C13orf42: variants seen among roughly 807,000 people sequenced by gnomAD.
The protein encoded by C13orf42 is chromosome 13 open reading frame 42.
At chr13:51,099,312 G>A (rs1953263716) in intron 1 of C13orf42, among the ~76,000 whole-genome samples, 1 of 152,040 alleles carries the variant, frequency 6.6e-6, no homozygotes, top group Admixed American at 6.6e-5. Context: ...TTAGAAAAAA[G>A]TATCATCACT....
intron 1 of C13orf42, among the ~76,000 whole-genome samples, chr13:51,160,956 G>A (rs1475062628): frequency 3.3e-3 from 331 of 101,242 alleles, no homozygotes; most frequent in African/African-American, 9.8e-3. Context: ...ACAAAGATTG[G>A]AAACAAGAAA....
At chr13:51,120,885 G>A (rs886337079) in intron 1 of C13orf42, among the ~76,000 whole-genome samples, 2 of 152,100 alleles carry the variant, frequency 1.3e-5, no homozygotes, top group Non-Finnish European at 2.9e-5. Flanking sequence ...ATGGTGACAC[G>A]TGCCTGTAAT....
chr13:51,142,639 A>T (rs1754994987), intron 1 of C13orf42, among the ~76,000 whole-genome samples: 1 of 111,696 alleles, frequency 9.0e-6, no homozygotes, highest in Non-Finnish European at 1.9e-5. Context: ...GTCCTTTTTT[A>T]TAAAAAAAAA....
rs117725441 is a variant in C13orf42, at chr13:51,120,049, C to T, written n.137-6827G>A. ...AAGTTTAGGAAAGTATTGAAGTCCG[C>T]GCTGATTTATAGGCACTCAATAAAT... On this transcript the variant is annotated intron_variant and non_coding_transcript_variant, in intron 1 of 4. Transcript: ENST00000433280. 7.5e-3 allele frequency among the ~76,000 whole-genome samples: 1,136 copies of T among 152,124 alleles called. 9 individuals are homozygous for T. Among genetic ancestry groups the T allele is most frequent in the Non-Finnish European group, 9.6e-3 (652 of 68,000 alleles).
intron 1 of C13orf42, among the ~76,000 whole-genome samples, chr13:51,088,535 G>C (rs529169831): frequency 1.3e-5 from 2 of 152,282 alleles, no homozygotes; most frequent in African/African-American, 4.8e-5. Context: ...TTTTTAAATA[G>C]CTGAAAGAGT....
At chr13:51,111,399 T>C (rs1297621910), upstream of C13orf42, among the ~76,000 whole-genome samples, 1 of 152,120 alleles carries the variant, frequency 6.6e-6, no homozygotes, top group Non-Finnish European at 1.5e-5. Flanking sequence ...GGGGGATGTT[T>C]ACATCCTATA....
intron 1 of C13orf42, among the ~76,000 whole-genome samples, chr13:51,107,910 G>T (rs1953378274): frequency 6.6e-6 from 1 of 152,124 alleles, no homozygotes. Context: ...CTATAGAGGG[G>T]TATATTCATT....
intron 1 of C13orf42, among the ~76,000 whole-genome samples, chr13:51,171,763 A>G (rs1042067087): frequency 1.3e-5 from 2 of 152,004 alleles, no homozygotes; most frequent in Admixed American, 1.3e-4. Context: ...ACCCCAAATC[A>G]GATAGCGTTT....
rs1053022711 is a variant in C13orf42 at position 51,102,833 on chromosome 13, A to C, written c.414+7963T>G. ...GCCTCAGGAAACTTACAATCATGGTAGAAGATGAAGGAGAAGCAAGTACCT... is the reference window on the plus strand; with the variant it reads ...GCCTCAGGAAACTTACAATCATGGTCGAAGATGAAGGAGAAGCAAGTACCT... On this transcript the variant is annotated intron_variant, in intron 1 of 3. Transcript: ENST00000563710. 4.7e-4 allele frequency among the ~76,000 whole-genome samples: 72 copies of C among 152,212 alleles called. 1 individual carries two copies. Among genetic ancestry groups the C allele is most frequent in the African/African-American group, 1.7e-3 (71 of 41,452 alleles).
At chr13:51,141,679 T>A (rs572603525) in intron 1 of C13orf42, among the ~76,000 whole-genome samples, 1 of 152,062 alleles carries the variant, frequency 6.6e-6, no homozygotes, top group Non-Finnish European at 1.5e-5. Context: ...GCACCTGTAA[T>A]CCCAACTACT....
At chr13:51,103,945 A>G (rs1175642071) in intron 1 of C13orf42, among the ~76,000 whole-genome samples, 2 of 152,190 alleles carry the variant, frequency 1.3e-5, no homozygotes, top group African/African-American at 4.8e-5. Flanking sequence ...AAAGTTGTGG[A>G]GATGGATGGT....
At chr13:51,105,167 C>G (rs1953338926) in intron 1 of C13orf42, among the ~76,000 whole-genome samples, 1 of 152,196 alleles carries the variant, frequency 6.6e-6, no homozygotes, top group South Asian at 2.1e-4. Context: ...GAATTCTTCC[C>G]TGGGCTCAGA....
At chr13:51,088,896 A>G (rs536523874) in intron 1 of C13orf42, among the ~76,000 whole-genome samples, 1 of 152,306 alleles carries the variant, frequency 6.6e-6, no homozygotes, top group African/African-American at 2.4e-5. Context: ...CTTCACAACA[A>G]TCCCGTCATG....
At chr13:51,134,259 A>G (rs1031212319) in intron 1 of C13orf42, among the ~76,000 whole-genome samples, 12 of 152,146 alleles carry the variant, frequency 7.9e-5, no homozygotes, top group Non-Finnish European at 1.8e-4. Flanking sequence ...TCACTCACTC[A>G]GGGTTCAACA....
upstream of C13orf42, among the ~76,000 whole-genome samples, chr13:51,115,997 T>C (rs989310420): frequency 6.6e-6 from 1 of 151,652 alleles, no homozygotes; most frequent in Non-Finnish European, 1.5e-5. Context: ...GCCCTCCACA[T>C]ATGAAGACCA....
chr13:51,157,372 T>G (rs1469369470), intron 1 of C13orf42, among the ~76,000 whole-genome samples: 1 of 152,162 alleles, frequency 6.6e-6, no homozygotes, highest in Non-Finnish European at 1.5e-5. Context: ...AGGTGGAGGT[T>G]GCAGTGAGCT....
chr13:51,087,195 T>C (rs1953137319), intron 2 of C13orf42, among the ~76,000 whole-genome samples: 2 of 152,056 alleles, frequency 1.3e-5, no homozygotes, highest in African/African-American at 4.8e-5. Flanking sequence ...GATTCTTTGC[T>C]CTCCATCAGG....
chr13:51,151,701 A>G (rs1458562660), intron 1 of C13orf42, among the ~76,000 whole-genome samples: 1 of 152,212 alleles, frequency 6.6e-6, no homozygotes, highest in Non-Finnish European at 1.5e-5. Context: ...CTATGCACTA[A>G]ACATGCATGT....
At chr13:51,099,451 G>A (rs1218353633) in intron 1 of C13orf42, among the ~76,000 whole-genome samples, 2 of 152,096 alleles carry the variant, frequency 1.3e-5, no homozygotes. Context: ...TTATCACAAA[G>A]AGATAAAAAT....
Sources: allele counts gnomAD v4.1 joint callset (sites outside exome capture counted in the v4.1 genomes callset), GRCh38; gene constraint gnomAD v4.1.1; transcripts MANE v1.5; gene names NCBI Gene and HGNC (gene_info 2026-07-23, HGNC 2026-07-21).